TNKS: variants seen among roughly 807,000 people sequenced by gnomAD.
TNKS encodes the protein tankyrase, also known as poly [ADP-ribose] polymerase tankyrase-1.
A neutral mutation model predicts 135.8 loss-of-function variants in TNKS; 72 were observed. The ratio of observed to expected loss-of-function variants is 0.53; its 90% CI spans 0.44 to 0.64. The LOEUF (loss-of-function observed/expected upper bound fraction) is 0.64, where lower values mean the gene tolerates loss of function less well. Among genes scored for constraint, TNKS ranks in the 30% least tolerant of loss-of-function variants. TNKS has a pLI of 0.00. For synonymous variants in TNKS, 849 were observed against 649.3 expected, an observed-to-expected ratio of 1.31 and a Z score of -4.68; for missense variants, 1,769 against 1,674.0, an observed-to-expected ratio of 1.06 and a Z score of -0.99.
chr8:9,614,070 A>T (rs1381534734), intron 2 of TNKS, among the ~76,000 whole-genome samples: 1 of 152,218 alleles, frequency 6.6e-6, no homozygotes, highest in Admixed American at 6.5e-5. Context: ...AGAGATAGTT[A>T]TCAGCTTGCA....
chr8:9,781,794 T>G lies in TNKS; in HGVS notation c.*5058T>G, dbSNP rs1038265934. ...GTGAGCAACCAGTGTAGTGACTCTT[T>G]GGTTCATTATTCGTGTTGTTTTTAT... On this transcript the variant is annotated 3_prime_UTR_variant, in exon 27 of 27. Transcript: ENST00000310430. 2 of 152,642 alleles carry G rather than the reference T, an allele frequency of 1.3e-5. No homozygotes were observed. Among genetic ancestry groups the G allele is most frequent in the African/African-American group, 4.8e-5 (2 of 41,448 alleles). 9.5% of individuals were successfully genotyped at this position (152,642 alleles called of 1,614,324 possible). A position where few individuals can be genotyped will look rare whatever the true frequency, so the allele number is the denominator to read the frequency against.
chr8:9,618,554 G>C (rs188044941), intron 3 of TNKS, among the ~76,000 whole-genome samples: 1,654 of 152,238 alleles, frequency 0.011, 11 homozygotes, highest in African/African-American at 0.023. Flanking sequence ...AGGACTTGGA[G>C]GTATTTAGAT....
intron 1 of TNKS, among the ~76,000 whole-genome samples, chr8:9,579,828 T>G (rs1798102645): frequency 6.6e-6 from 1 of 152,176 alleles, no homozygotes; most frequent in Admixed American, 6.5e-5. Flanking sequence ...ATATACAGTT[T>G]TGTGTTGTGA....
chr8:9,695,623 C>T (rs766755223), intron 5 of TNKS, among the ~76,000 whole-genome samples: 11 of 152,164 alleles, frequency 7.2e-5, no homozygotes, highest in Non-Finnish European at 1.6e-4. Context: ...CAGGATTACT[C>T]TGCTGTCATG....
Position 9,595,517 on chromosome 8 carries a change from C to T in TNKS, c.898+15134C>T, listed in dbSNP as rs192659444. Among the ~76,000 whole-genome samples, 8 of 151,920 alleles carry T rather than the reference C, an allele frequency of 5.3e-5. No homozygotes were observed. The East Asian group carries it at 1.4e-3, about 26-fold the overall frequency. On this transcript the variant is annotated intron_variant, in intron 2 of 26. Coordinates refer to ENST00000310430, the MANE Select transcript of TNKS (RefSeq NM_003747.3). ...CCTGATAAAATTGGGACTGTTTTAA[C>T]AGTTATTCTGTACAATAGTGGTAGA...
chr8:9,766,801 G>A (rs948417637), intron 25 of TNKS, among the ~76,000 whole-genome samples: 1 of 152,038 alleles, frequency 6.6e-6, no homozygotes, highest in Admixed American at 6.6e-5. Context: ...GGTTTATCAG[G>A]CTCTGCAGAA....
At chr8:9,692,442 C>T (rs60206878) in intron 5 of TNKS, among the ~76,000 whole-genome samples, 3,515 of 152,212 alleles carry the variant, frequency 0.023, 91 homozygotes, top group African/African-American at 0.065. Flanking sequence ...TTACAAAAAC[C>T]GTGAATTAAA....
chr8:9,751,948 C>T (rs1288737565), intron 19 of TNKS, 102 bp downstream of exon 19: 19 of 1,023,186 alleles, frequency 1.9e-5, no homozygotes, highest in Non-Finnish European at 1.9e-5. Flanking sequence ...TTAGAGACGT[C>T]CTGTCTGTAA....
At position 9,575,411 on chromosome 8, in the gene TNKS, C is replaced by T. The variant is rs901072108; in HGVS notation, c.674-4748C>T. The T allele has an allele frequency of 6.1e-6, 6 of 985,186 alleles. No individual in the cohort carries two copies. The South Asian group carries it at 2.8e-4, about 46-fold the overall frequency. 61.0% of individuals were successfully genotyped at this position (985,186 alleles called of 1,614,324 possible). ...TTAAGAGGAACAAGGTGGGTCAACT[C>T]TACCCTACTAGATATCTAGACTTAT... On this transcript the variant is annotated intron_variant, in intron 1 of 26. Transcript: ENST00000310430.
At chr8:9,560,668 G>A (rs563657850) in intron 1 of TNKS, among the ~76,000 whole-genome samples, 1 of 151,724 alleles carries the variant, frequency 6.6e-6, no homozygotes, top group Admixed American at 6.6e-5. Context: ...TCGTTGCCTG[G>A]CAAGATCCTT....
intron 2 of TNKS, among the ~76,000 whole-genome samples, chr8:9,593,560 T>C: frequency 6.6e-6 from 1 of 152,138 alleles, no homozygotes; most frequent in East Asian, 1.9e-4. Context: ...CCAAACCCCC[T>C]TCCCCCCAAA....
At chr8:9,610,046 A>G (rs768954122) in intron 2 of TNKS, among the ~76,000 whole-genome samples, 1 of 151,868 alleles carries the variant, frequency 6.6e-6, no homozygotes, top group Non-Finnish European at 1.5e-5. Context: ...TTTAATAGAG[A>G]TGGGGTTTCA....
intron 1 of TNKS, among the ~76,000 whole-genome samples, chr8:9,560,485 A>G (rs188449362): frequency 0.014 from 1,582 of 113,466 alleles, 9 homozygotes; most frequent in African/African-American, 0.029. Flanking sequence ...CAGCATGGCC[A>G]TACTTGTCTT....
chr8:9,698,583 A>T (rs561868708), intron 5 of TNKS, among the ~76,000 whole-genome samples: 1 of 152,264 alleles, frequency 6.6e-6, no homozygotes, highest in East Asian at 1.9e-4. Flanking sequence ...GACGTTAATA[A>T]ATTAACACAA....
intron 2 of TNKS, among the ~76,000 whole-genome samples, chr8:9,605,555 A>G (rs542392504): frequency 1.3e-5 from 2 of 152,242 alleles, no homozygotes; most frequent in African/African-American, 4.8e-5. Flanking sequence ...TAGCTATATA[A>G]GGAACTGCTA....
intron 3 of TNKS, among the ~76,000 whole-genome samples, chr8:9,632,193 T>C (rs1800317194): frequency 6.6e-6 from 1 of 152,244 alleles, no homozygotes; most frequent in African/African-American, 2.4e-5. Context: ...CTCAAAGTTG[T>C]ACTTTAAACC....
chr8:9,623,764 G>T (rs1799953895), intron 3 of TNKS, among the ~76,000 whole-genome samples: 1 of 152,124 alleles, frequency 6.6e-6, no homozygotes, highest in Non-Finnish European at 1.5e-5. Flanking sequence ...CACTTTGGGA[G>T]GCCAAGGCAG....
chr8:9,571,751 A>G (rs576525049), intron 1 of TNKS, among the ~76,000 whole-genome samples: 2 of 152,280 alleles, frequency 1.3e-5, no homozygotes, highest in South Asian at 4.1e-4. Context: ...GACGTGAGCC[A>G]CCGCGCCCGG....
At chr8:9,697,090 AC>A (rs1382197240) in intron 5 of TNKS, among the ~76,000 whole-genome samples, 2 of 152,216 alleles carry the variant, frequency 1.3e-5, no homozygotes, top group African/African-American at 4.8e-5. Context: ...TGGCACTGAT[AC>A]AAAAAACAGA....
Sources: gnomAD v4.1 joint callset for allele counts (sites outside exome capture counted in the v4.1 genomes callset) on GRCh38, gnomAD v4.1.1 for gene constraint, MANE v1.5 for transcripts, NCBI Gene and HGNC (gene_info 2026-07-23, HGNC 2026-07-21) for gene names.